Variants in LRRC37A2 observed in about 807,000 individuals in gnomAD.
LRRC37A2 encodes the protein leucine rich repeat containing 37 member A2.
Under a neutral mutation model 68.8 loss-of-function variants are expected in LRRC37A2, and 9 were observed. That is an observed-to-expected ratio of 0.13 (90% CI 0.08 to 0.23). LRRC37A2 has a LOEUF of 0.23. LRRC37A2 is among the 10% of genes least tolerant of loss of function. LRRC37A2 has a pLI of 1.00. For synonymous variants in LRRC37A2, 63 were observed against 367.6 expected (o/e 0.17, Z 9.48); for missense variants, 168 against 950.4 (o/e 0.18, Z 10.82).
the LRRC37A2 span, among the ~76,000 whole-genome samples, chr17:46,838,322 T>TAA: frequency 2.9e-5 from 4 of 138,246 alleles, no homozygotes; most frequent in Admixed American, 7.3e-5. Flanking sequence ...GGGCCTGCCT[T>TAA]AAAAAAAAAA....
chr17:46,996,882 T>C, the LRRC37A2 span, among the ~76,000 whole-genome samples: 1 of 152,188 alleles, frequency 6.6e-6, no homozygotes, highest in Admixed American at 6.5e-5. Context: ...TGGTGACAGT[T>C]CCTTCAGCCC....
At chr17:46,721,755 C>T in the LRRC37A2 span, 8 of 1,604,170 alleles carry the variant, frequency 5.0e-6, no homozygotes, top group South Asian at 3.3e-5. Flanking sequence ...CCCACAATTT[C>T]GCTTGGGAAG....
the LRRC37A2 span, among the ~76,000 whole-genome samples, chr17:46,785,777 G>C: frequency 2.6e-5 from 4 of 152,174 alleles, no homozygotes; most frequent in Admixed American, 2.0e-4. Flanking sequence ...TCAGTCAGAG[G>C]GAAGAGGCTG....
chr17:46,806,210 T>C, the LRRC37A2 span, among the ~76,000 whole-genome samples: 1 of 44,782 alleles, frequency 2.2e-5, no homozygotes, highest in Non-Finnish European at 6.0e-5. Context: ...TCTTTTCCTT[T>C]TTTTTTTTTT....
At chr17:46,974,698 C>T in the LRRC37A2 span, among the ~76,000 whole-genome samples, 1 of 150,708 alleles carries the variant, frequency 6.6e-6, no homozygotes, top group Middle Eastern at 3.2e-3. Context: ...CGCACCACTG[C>T]ACTCCAGCCT....
chr17:46,833,195 G>C, the LRRC37A2 span: 1 of 392,798 alleles, frequency 2.5e-6, no homozygotes, highest in South Asian at 1.9e-5. Flanking sequence ...CAGCACAGAG[G>C]ACGTCAGCAA....
chr17:47,017,741 A>G, the LRRC37A2 span: 3 of 1,610,876 alleles, frequency 1.9e-6, no homozygotes, highest in South Asian at 2.2e-5. Flanking sequence ...TGCAGAATGA[A>G]TATTCCAGTA....
the LRRC37A2 span, among the ~76,000 whole-genome samples, chr17:46,800,907 A>AAACT: frequency 1.3e-5 from 2 of 152,216 alleles, no homozygotes; most frequent in African/African-American, 4.8e-5. Context: ...AAGACTGAAC[A>AAACT]GGAGTTTGTA....
At chr17:47,018,838 T>G in the LRRC37A2 span, 1 of 1,520,704 alleles carries the variant, frequency 6.6e-7, no homozygotes, top group Non-Finnish European at 9.1e-7. Context: ...CCTTTGGATC[T>G]GGGGTTTACC....
At chr17:46,900,192 T>TACAC in the LRRC37A2 span, among the ~76,000 whole-genome samples, 116 of 97,386 alleles carry the variant, frequency 1.2e-3, no homozygotes, top group African/African-American at 5.5e-3. Flanking sequence ...TATATATATA[T>TACAC]ATATATATAT....
chr17:47,019,727 T>G, the LRRC37A2 span: 1 of 848,100 alleles, frequency 1.2e-6, no homozygotes, highest in Non-Finnish European at 1.9e-6. Context: ...CATGTATTGA[T>G]CTCAACCCAG....
At chr17:46,962,589 G>C in the LRRC37A2 span, among the ~76,000 whole-genome samples, 4 of 152,190 alleles carry the variant, frequency 2.6e-5, no homozygotes, top group African/African-American at 9.7e-5. Flanking sequence ...CTGCTGTCTA[G>C]ACTGTGTGGA....
the LRRC37A2 span, among the ~76,000 whole-genome samples, chr17:46,896,452 A>AAAAGAAAG: frequency 0.087 from 5,742 of 65,734 alleles, 449 homozygotes; most frequent in African/African-American, 0.12. Flanking sequence ...GAAAGAAAGA[A>AAAAGAAAG]AAAGAAAGAA....
At chr17:46,773,642 C>T in the LRRC37A2 span, 6 of 861,778 alleles carry the variant, frequency 7.0e-6, no homozygotes, top group Non-Finnish European at 1.0e-5. Flanking sequence ...CCAGCCCCTC[C>T]CCCCCCCTCA....
the LRRC37A2 span, among the ~76,000 whole-genome samples, chr17:46,945,876 G>T: frequency 4.6e-5 from 7 of 152,306 alleles, no homozygotes; most frequent in South Asian, 2.1e-4. Flanking sequence ...ACCCCTGATC[G>T]CTGCCGGGTG....
chr17:46,993,420 A>C, the LRRC37A2 span, among the ~76,000 whole-genome samples: 1 of 152,274 alleles, frequency 6.6e-6, no homozygotes, highest in Non-Finnish European at 1.5e-5. Flanking sequence ...GCAGGCATGC[A>C]TAGTGTCTGG....
chr17:46,924,194 T>A, the LRRC37A2 span: 30 of 232,354 alleles, frequency 1.3e-4, no homozygotes, highest in African/African-American at 2.2e-4. Flanking sequence ...TTCTAGATAC[T>A]TAATATAAGT....
chr17:46,749,045 A>G, the LRRC37A2 span, among the ~76,000 whole-genome samples: 1 of 152,214 alleles, frequency 6.6e-6, no homozygotes, highest in Non-Finnish European at 1.5e-5. Context: ...CCCATCTTCC[A>G]TGGTAGGAAG....
the LRRC37A2 span, among the ~76,000 whole-genome samples, chr17:47,020,757 G>C: frequency 1.4e-5 from 1 of 72,818 alleles, no homozygotes; most frequent in Non-Finnish European, 2.6e-5. Flanking sequence ...ACTCCAGCCT[G>C]GGTGACAGAG....
Sources: allele counts gnomAD v4.1 joint callset (sites outside exome capture counted in the v4.1 genomes callset), GRCh38; gene constraint gnomAD v4.1.1; transcripts MANE v1.5; gene names NCBI Gene and HGNC (gene_info 2026-07-23, HGNC 2026-07-21).